Variants in CDKN1A observed in about 807,000 individuals in gnomAD.
CDKN1A encodes cyclin-dependent kinase inhibitor 1.
CDKN1A carries 14 observed loss-of-function variants against 14.8 expected under a neutral mutation model. That is an observed-to-expected ratio of 0.94 (90% CI 0.62 to 1.48). The LOEUF (loss-of-function observed/expected upper bound fraction) is 1.48, where lower values mean the gene tolerates loss of function less well. Ranked by LOEUF, CDKN1A falls within the 40% of genes most tolerant of loss-of-function variation. The probability of loss-of-function intolerance (pLI) is 0.00; values close to 1 mark genes in which losing one functional copy is unlikely to be tolerated. For missense variants in CDKN1A, 203 were observed against 231.7 expected, an observed-to-expected ratio of 0.88 and a Z score of 0.80; for synonymous variants, 92 against 93.5, an observed-to-expected ratio of 0.98 and a Z score of 0.09.
chr6:36,686,747 C>G lies in CDKN1A; in HGVS notation c.*947C>G, dbSNP rs74801436. The G allele has an allele frequency of 0.012, 2,726 of 233,888 alleles. 68 individuals carry two copies. Among genetic ancestry groups the G allele is most frequent in the African/African-American group, 0.053 (2,398 of 45,424 alleles). The allele number at this position is 233,888 out of a possible 1,614,324, so 14.5% of individuals were successfully genotyped here. A position where few individuals can be genotyped will look rare whatever the true frequency, so the allele number is the denominator to read the frequency against. On this transcript the variant is annotated 3_prime_UTR_variant, in exon 3 of 3. Transcript: ENST00000244741. This position sits in a 1 kb window ranked among gnomAD's most constrained non-coding sequence, Gnocchi z 4.9. ...AAGAAGAAGGGCACCCTAGTTCTAC[C>G]TCAGGCAGCTCAAGCAGCGACCGCC...
intron 1 of CDKN1A, among the ~76,000 whole-genome samples, chr6:36,679,375 G>T (rs1761820060): frequency 1.3e-5 from 2 of 152,280 alleles, no homozygotes; most frequent in South Asian, 4.1e-4. Flanking sequence ...AGGTCAGCGC[G>T]GGCTGTTTCC....
Position 36,685,917 on chromosome 6 carries a change from C to A in CDKN1A, c.*117C>A. 9.6e-7 allele frequency: 1 copy of A among 1,042,968 alleles called. No individual in the cohort carries two copies. Among genetic ancestry groups the A allele is most frequent in the Non-Finnish European group, 1.5e-6 (1 of 671,066 alleles). The allele number at this position is 1,042,968 out of a possible 1,614,324, so 64.6% of individuals were successfully genotyped here. A position where few individuals can be genotyped will look rare whatever the true frequency, so the allele number is the denominator to read the frequency against. ...ATTATTATTTGTGTTTTAATTTAAACACCTCCTCATGTACATACCCTGGCC... is the reference window on the plus strand; with the variant it reads ...ATTATTATTTGTGTTTTAATTTAAAAACCTCCTCATGTACATACCCTGGCC... On this transcript the variant is annotated 3_prime_UTR_variant, in exon 3 of 3. Coordinates refer to ENST00000244741, the MANE Select transcript of CDKN1A (RefSeq NM_000389.5).
upstream of CDKN1A, among the ~76,000 whole-genome samples, chr6:36,677,405 C>A (rs1207753598): frequency 1.3e-5 from 2 of 152,166 alleles, no homozygotes; most frequent in Non-Finnish European, 2.9e-5. Flanking sequence ...TGTAGCTGCT[C>A]CAAGCCTGGG....
rs2150313117 is a variant in CDKN1A, at chr6:36,684,210, C to G, written c.109C>G (p.Leu37Val). The G allele has an allele frequency of 6.2e-7, 1 of 1,612,074 alleles. No individual in the cohort carries two copies. Among genetic ancestry groups the G allele is most frequent in the East Asian group, 2.2e-5 (1 of 44,876 alleles). ...GCAGCTGAGCCGCGACTGTGATGCG[C>G]TAATGGCGGGCTGCATCCAGGAGGC... ...SEQLSRDCDALMAGCIQEARE... is the reference protein window; with the variant it reads ...SEQLSRDCDAVMAGCIQEARE... Residue 37 changes from leucine to valine, a missense_variant, in exon 2 of 3, where the codon CTA becomes GTA. Coordinates refer to ENST00000244741, the MANE Select transcript of CDKN1A (RefSeq NM_000389.5). The surrounding 1 kb of genome is among the most constrained non-coding windows in gnomAD (Gnocchi z 6.0).
chr6:36,685,314 CT>C (rs1399348386), intron 2 of CDKN1A, among the ~76,000 whole-genome samples: 1 of 152,212 alleles, frequency 6.6e-6, no homozygotes, highest in Non-Finnish European at 1.5e-5. Context: ...AACAGAATCC[CT>C]AGATCAGCAC....
At position 36,684,098 on chromosome 6, in the gene CDKN1A, C is replaced by T. The variant is rs771789372; in HGVS notation, c.-4C>T. 25 of 1,613,186 alleles carry T rather than the reference C, an allele frequency of 1.5e-5. No individual in the cohort carries two copies. The highest frequency in any genetic ancestry group is 6.6e-5 in the South Asian group (6 of 91,044). ...GCCTTCCTTGTATCTCTGCTGCAGGCGCCATGTCAGAACCGGCTGGGGATG... is the reference window on the plus strand; with the variant it reads ...GCCTTCCTTGTATCTCTGCTGCAGGTGCCATGTCAGAACCGGCTGGGGATG... On this transcript the variant is annotated splice_region_variant and 5_prime_UTR_variant, in exon 2 of 3. Transcript: ENST00000244741. This position sits in a 1 kb window ranked among gnomAD's most constrained non-coding sequence, Gnocchi z 6.0.
chr6:36,685,201 T>C (rs1762159154), intron 2 of CDKN1A, among the ~76,000 whole-genome samples: 1 of 152,184 alleles, frequency 6.6e-6, no homozygotes, highest in Non-Finnish European at 1.5e-5. Flanking sequence ...TTATCTAAGG[T>C]CTCAAAGTGA....
upstream of CDKN1A, chr6:36,677,884 C>T: frequency 1.5e-6 from 2 of 1,364,902 alleles, 1 homozygote; most frequent in South Asian, 2.4e-5. Context: ...CAAATCCTCC[C>T]CTTCCTGGCC....
At chr6:36,679,837 A>T (rs1442358516) in intron 1 of CDKN1A, among the ~76,000 whole-genome samples, 2 of 44,214 alleles carry the variant, frequency 4.5e-5, no homozygotes, top group East Asian at 1.1e-3. Context: ...CCTGGATGGG[A>T]GGCGGGGAGG....
At position 36,685,749 on chromosome 6, in the gene CDKN1A, A is replaced by C; in HGVS notation, c.446-2A>C. Reference sequence around the variant, plus strand: ...TGGCTGACTTCTGCTGTCTCTCCTCAGATTTCTACCACTCCAAACGCCGGC... The same window carrying C: ...TGGCTGACTTCTGCTGTCTCTCCTCCGATTTCTACCACTCCAAACGCCGGC... On this transcript the variant is annotated splice_acceptor_variant, in intron 2 of 2. Transcript: ENST00000244741. LOFTEE classifies it high-confidence loss of function. The C allele has an allele frequency of 6.2e-7, 1 of 1,614,032 alleles. No individual in the cohort carries two copies. Among genetic ancestry groups the C allele is most frequent in the Non-Finnish European group, 8.5e-7 (1 of 1,179,980 alleles).
At chr6:36,680,324 G>GTGTC (rs1761882472) in intron 1 of CDKN1A, 1 of 149,384 alleles carries the variant, frequency 6.7e-6, no homozygotes, top group African/African-American at 2.5e-5. Flanking sequence ...GTGTGTGTGT[G>GTGTC]TGTGTGTGTG....
chr6:36,683,948 T>C (rs1246882267), intron 1 of CDKN1A, 149 bp from the exon 2 acceptor site: 1 of 806,616 alleles, frequency 1.2e-6, no homozygotes, highest in African/African-American at 1.7e-5. Context: ...AGGCCTCCTG[T>C]GGGAAGGAAG....
Position 36,684,676 on chromosome 6 carries a change from C to A in CDKN1A, c.445+130C>A. ...AGGAAACAGGCCCAGAGAGGGGAAG[C>A]AACCTCCCTGAGGTCACACAGCAAG... On this transcript the variant is annotated intron_variant, in intron 2 of 2. Coordinates refer to ENST00000244741, the MANE Select transcript of CDKN1A (RefSeq NM_000389.5). The surrounding 1 kb of genome is among the most constrained non-coding windows in gnomAD (Gnocchi z 6.0). 2 of 868,688 alleles carry A rather than the reference C, an allele frequency of 2.3e-6. No individual in the cohort carries two copies. Among genetic ancestry groups the A allele is most frequent in the Middle Eastern group, 2.2e-4 (1 of 4,558 alleles). 53.8% of individuals were successfully genotyped at this position (868,688 alleles called of 1,614,324 possible).
chr6:36,684,692 A>G lies in CDKN1A; in HGVS notation c.445+146A>G, dbSNP rs1762143026. ...GAGGGGAAGCAACCTCCCTGAGGTC[A>G]CACAGCAAGTAGGCAGCAAAGACCA... On this transcript the variant is annotated intron_variant, in intron 2 of 2. Transcript: ENST00000244741. The surrounding 1 kb of genome is among the most constrained non-coding windows in gnomAD (Gnocchi z 6.0). The G allele has an allele frequency of 2.6e-6, 2 of 755,104 alleles. No individual in the cohort carries two copies. Among genetic ancestry groups the G allele is most frequent in the Non-Finnish European group, 4.6e-6 (2 of 439,490 alleles). 46.8% of individuals were successfully genotyped at this position (755,104 alleles called of 1,614,324 possible).
Sources: allele counts gnomAD v4.1 joint callset (sites outside exome capture counted in the v4.1 genomes callset), GRCh38; gene constraint gnomAD v4.1.1; non-coding constraint Gnocchi (gnomAD v3.1); transcripts MANE v1.5; gene names NCBI Gene and HGNC (gene_info 2026-07-23, HGNC 2026-07-21).